RNGTT: variants seen among roughly 807,000 people sequenced by gnomAD.
RNGTT encodes mRNA-capping enzyme.
In RNGTT, 33 loss-of-function variants were observed where a neutral mutation model predicts 79.3. The ratio of observed to expected loss-of-function variants is 0.42; its 90% CI spans 0.32 to 0.56. RNGTT has a LOEUF of 0.56. Ranked by LOEUF, RNGTT falls within the 20% of genes least tolerant of loss-of-function variation. The probability of loss-of-function intolerance (pLI) is 0.17; values close to 1 mark genes in which losing one functional copy is unlikely to be tolerated. For missense variants in RNGTT, 497 were observed against 739.1 expected (o/e 0.67, Z 3.80); for synonymous variants, 222 against 235.9 (o/e 0.94, Z 0.54).
At chr6:88,828,375 C>T (rs1780740730) in intron 11 of RNGTT, among the ~76,000 whole-genome samples, 1 of 152,136 alleles carries the variant, frequency 6.6e-6, no homozygotes, top group African/African-American at 2.4e-5. Context: ...CACTCAGAAA[C>T]CCCATCCGAA....
Position 88,723,886 on chromosome 6 carries a change from G to A in RNGTT, c.1440-45467C>T, listed in dbSNP as rs534739708. Among the ~76,000 whole-genome samples, 7 of 152,038 alleles carry A rather than the reference G, an allele frequency of 4.6e-5. No individual in the cohort carries two copies. The South Asian group carries it at 1.2e-3, about 27-fold the overall frequency. On this transcript the variant is annotated intron_variant, in intron 13 of 15. Transcript: ENST00000369485. ...ATTACAAGCACGCCCCACCATGCCCGGCTAATTTTTGTATTTTTAGTAGAG... is the reference window on the plus strand; with the variant it reads ...ATTACAAGCACGCCCCACCATGCCCAGCTAATTTTTGTATTTTTAGTAGAG...
chr6:88,785,689 T>A (rs1779207150), intron 12 of RNGTT, among the ~76,000 whole-genome samples: 1 of 152,114 alleles, frequency 6.6e-6, no homozygotes, highest in Non-Finnish European at 1.5e-5. Context: ...AAACAGAAGC[T>A]CTCACCATGG....
intron 13 of RNGTT, among the ~76,000 whole-genome samples, chr6:88,719,643 T>G (rs1385565033): frequency 1.3e-5 from 2 of 152,186 alleles, no homozygotes; most frequent in Non-Finnish European, 2.9e-5. Context: ...TTTATTCAGC[T>G]TGGCTAAAGA....
intron 2 of RNGTT, among the ~76,000 whole-genome samples, chr6:88,938,029 T>C (rs1215439336): frequency 6.6e-6 from 1 of 152,254 alleles, no homozygotes; most frequent in Non-Finnish European, 1.5e-5. Flanking sequence ...TGAAATGTTC[T>C]GTAAATGTCT....
rs531934501 is a variant in RNGTT at position 88,623,754 on chromosome 6, AC to A, written c.1507-9360del. 1.7e-3 allele frequency among the ~76,000 whole-genome samples: 252 copies of A among 152,158 alleles called. 1 individual carries two copies. Among genetic ancestry groups the A allele is most frequent in the Middle Eastern group, 6.8e-3 (2 of 294 alleles). On this transcript the variant is annotated intron_variant, in intron 14 of 15. Transcript: ENST00000369485. ...TGCTTAAAAGAAAAACAAATAAAAG[AC>A]CTACCGGTTGAAAAGGAAGAAATAG...
At chr6:88,861,134 T>TAAA (rs1288684821) in intron 8 of RNGTT, among the ~76,000 whole-genome samples, 2 of 152,180 alleles carry the variant, frequency 1.3e-5, no homozygotes, top group Non-Finnish European at 2.9e-5. Flanking sequence ...CTATACAAGC[T>TAAA]ACCTTTCTTC....
At chr6:88,656,401 T>G (rs2127780030) in intron 14 of RNGTT, among the ~76,000 whole-genome samples, 1 of 152,300 alleles carries the variant, frequency 6.6e-6, no homozygotes, top group Non-Finnish European at 1.5e-5. Context: ...GTAGCTTATA[T>G]TTTAGGATAA....
chr6:88,684,499 G>T (rs1352222736), intron 13 of RNGTT, among the ~76,000 whole-genome samples: 1 of 152,054 alleles, frequency 6.6e-6, no homozygotes, highest in East Asian at 1.9e-4. Flanking sequence ...CCTTGAATAG[G>T]TGAAAATAAA....
At chr6:88,703,015 C>T (rs1775997287) in intron 13 of RNGTT, among the ~76,000 whole-genome samples, 1 of 152,132 alleles carries the variant, frequency 6.6e-6, no homozygotes, top group African/African-American at 2.4e-5. Context: ...CATCTCACAC[C>T]AGTAAGAACA....
chr6:88,746,656 T>G (rs1250157746), intron 13 of RNGTT, among the ~76,000 whole-genome samples: 1 of 152,180 alleles, frequency 6.6e-6, no homozygotes, highest in Non-Finnish European at 1.5e-5. Flanking sequence ...CCGCCACTGA[T>G]CTGACAGGAG....
intron 4 of RNGTT, among the ~76,000 whole-genome samples, chr6:88,917,832 A>G (rs1252653036): frequency 6.6e-6 from 1 of 152,130 alleles, no homozygotes; most frequent in Non-Finnish European, 1.5e-5. Context: ...GATTGCAGTG[A>G]GCTGAGATCA....
At chr6:88,628,846 T>C (rs2127768412) in intron 14 of RNGTT, among the ~76,000 whole-genome samples, 1 of 152,226 alleles carries the variant, frequency 6.6e-6, no homozygotes, top group East Asian at 1.9e-4. Flanking sequence ...TTACTCCAAA[T>C]CAAGAAATGA....
intron 13 of RNGTT, among the ~76,000 whole-genome samples, chr6:88,706,195 A>G (rs1224475967): frequency 6.6e-6 from 1 of 152,124 alleles, no homozygotes; most frequent in Non-Finnish European, 1.5e-5. Flanking sequence ...ATGAATATGC[A>G]TCAATGAGAT....
chr6:88,899,521 T>C (rs779998726), intron 6 of RNGTT, among the ~76,000 whole-genome samples: 2 of 152,028 alleles, frequency 1.3e-5, no homozygotes, highest in African/African-American at 2.4e-5. Flanking sequence ...CAAGCAATCC[T>C]TCCGCCTCGG....
At position 88,925,392 on chromosome 6, in the gene RNGTT, AC is replaced by A. The variant is rs554145986; in HGVS notation, c.367+3592del. Among the ~76,000 whole-genome samples the A allele has an allele frequency of 1.8e-3, 276 of 152,166 alleles. 1 individual carries two copies. The highest frequency in any genetic ancestry group is 6.0e-3 in the African/African-American group (250 of 41,518). On this transcript the variant is annotated intron_variant, in intron 4 of 15. Coordinates refer to ENST00000369485, the MANE Select transcript of RNGTT (RefSeq NM_003800.5). Reference sequence around the variant, plus strand: ...GATCACTTGAACCCAGGAGTTCAAGACCAGCCTAGGCAACATGGTGAAACAG... The same window carrying A: ...GATCACTTGAACCCAGGAGTTCAAGACAGCCTAGGCAACATGGTGAAACAG...
chr6:88,746,486 T>C (rs771154461), intron 13 of RNGTT, among the ~76,000 whole-genome samples: 9 of 152,216 alleles, frequency 5.9e-5, no homozygotes, highest in Non-Finnish European at 1.3e-4. Context: ...ACCAGTTTTA[T>C]GTAAGATGAT....
intron 11 of RNGTT, among the ~76,000 whole-genome samples, chr6:88,818,433 A>G (rs2127877732): frequency 6.6e-6 from 1 of 152,116 alleles, no homozygotes; most frequent in East Asian, 1.9e-4. Flanking sequence ...AAATACAAAA[A>G]TTAGCCAGGC....
chr6:88,941,108 T>G lies in RNGTT; in HGVS notation c.137A>C (p.His46Pro). The part of the protein sequence containing the change: ...DSQVAEENRF[H>P]PSMLSNYLKS... ...TAGGTAATTTGAGAGCATGCTGGGA[T>G]GGAACCGATTTTCTTCAGCAACTTG... Residue 46 changes from histidine (H) to proline (P), a missense_variant, in exon 2 of 16, where the codon CAT becomes CCT. Physicochemically the swap from His to Pro is moderately conservative, Grantham distance 77. Coordinates refer to ENST00000369485, the MANE Select transcript of RNGTT (RefSeq NM_003800.5). 1 of 1,613,600 alleles carries G rather than the reference T, an allele frequency of 6.2e-7. No individual in the cohort carries two copies. The highest frequency in any genetic ancestry group is 2.2e-5 in the East Asian group (1 of 44,852).
chr6:88,950,266 T>C (rs796972736), intron 1 of RNGTT, among the ~76,000 whole-genome samples: 1 of 152,170 alleles, frequency 6.6e-6, no homozygotes, highest in African/African-American at 2.4e-5. Flanking sequence ...CTGATGGAAA[T>C]GTACAGGGAG....
Sources: allele counts gnomAD v4.1 joint callset (sites outside exome capture counted in the v4.1 genomes callset), GRCh38; gene constraint gnomAD v4.1.1; transcripts MANE v1.5; gene names NCBI Gene and HGNC (gene_info 2026-07-23, HGNC 2026-07-21).